The following ASIC2 variants were observed in gnomAD, a reference collection of about 807,000 sequenced individuals.
ASIC2 encodes acid-sensing ion channel 2.
In ASIC2, 25 loss-of-function variants were observed where a neutral mutation model predicts 57.3. That is an observed-to-expected ratio of 0.44 (90% CI 0.32 to 0.61). The LOEUF is 0.61. Among genes scored for constraint, ASIC2 ranks in the 20% least tolerant of loss-of-function variants. The pLI is 0.06. For missense variants in ASIC2, 641 were observed against 738.1 expected (o/e 0.87, Z 1.52); for synonymous variants, 319 against 307.5 (o/e 1.04, Z -0.39).
chr17:33,844,837 T>C (rs918609996), intron 1 of ASIC2, among the ~76,000 whole-genome samples: 3 of 152,220 alleles, frequency 2.0e-5, no homozygotes, highest in East Asian at 3.8e-4. Context: ...GATAGTCTCA[T>C]AATATATTTA....
chr17:34,133,295 G>GA (rs35056379), intron 1 of ASIC2, among the ~76,000 whole-genome samples: 70,859 of 151,220 alleles, frequency 0.47, 16,906 homozygotes, highest in Middle Eastern at 0.54. Context: ...TGGTGTAGGG[G>GA]AAGGGGTAGT....
intron 1 of ASIC2, among the ~76,000 whole-genome samples, chr17:33,454,260 T>A (rs977563735): frequency 6.6e-6 from 1 of 152,218 alleles, no homozygotes; most frequent in Non-Finnish European, 1.5e-5. Flanking sequence ...CCTTGTTCAC[T>A]GTCCACTATG....
At chr17:33,109,926 A>G (rs1200489153) in intron 2 of ASIC2, among the ~76,000 whole-genome samples, 1 of 152,180 alleles carries the variant, frequency 6.6e-6, no homozygotes, top group Admixed American at 6.5e-5. Flanking sequence ...GGCAGAACAC[A>G]GACTTTTTGG....
At position 34,114,483 on chromosome 17, in the gene ASIC2, A is replaced by C. The variant is rs74369731; in HGVS notation, c.555+41495T>G. Among the ~76,000 whole-genome samples, 1,454 of 152,286 alleles carry C rather than the reference A, an allele frequency of 9.5e-3. 39 individuals are homozygous for C. Among genetic ancestry groups the C allele is most frequent in the East Asian group, 0.078 (404 of 5,174 alleles). ...TGAGATTTGGAGCAAGGACAAGGAA[A>C]AAATAATACCCAATTGAACCTGACT... On this transcript the variant is annotated intron_variant, in intron 1 of 9. Coordinates refer to the ASIC2 transcript ENST00000359872.
chr17:33,244,954 C>T (rs1389305331), intron 1 of ASIC2, among the ~76,000 whole-genome samples: 1 of 152,222 alleles, frequency 6.6e-6, no homozygotes, highest in African/African-American at 2.4e-5. Context: ...AGACCCTCCT[C>T]TCAGCACTCT....
intron 1 of ASIC2, among the ~76,000 whole-genome samples, chr17:34,099,215 A>G (rs1050496774): frequency 6.8e-5 from 9 of 132,454 alleles, no homozygotes; most frequent in Non-Finnish European, 1.3e-4. Context: ...AAAGAAAGGA[A>G]AGAAAAGAAA....
chr17:34,106,038 T>A (rs2142105232), intron 1 of ASIC2, among the ~76,000 whole-genome samples: 2 of 152,238 alleles, frequency 1.3e-5, no homozygotes, highest in East Asian at 3.9e-4. Context: ...TTCTTTAGCC[T>A]TAAATAGTCT....
intron 1 of ASIC2, among the ~76,000 whole-genome samples, chr17:33,337,549 C>T (rs1390363837): frequency 6.6e-6 from 1 of 152,184 alleles, no homozygotes; most frequent in Non-Finnish European, 1.5e-5. Flanking sequence ...GATAGTAATG[C>T]TTTTAGCATT....
At chr17:33,481,778 T>G (rs928668109) in intron 1 of ASIC2, among the ~76,000 whole-genome samples, 7 of 152,298 alleles carry the variant, frequency 4.6e-5, no homozygotes, top group African/African-American at 1.7e-4. Flanking sequence ...GTTCTGTGCC[T>G]TATCTCCCCT....
chr17:33,286,119 T>A (rs1402636424), intron 1 of ASIC2, among the ~76,000 whole-genome samples: 1 of 152,226 alleles, frequency 6.6e-6, no homozygotes, highest in African/African-American at 2.4e-5. Flanking sequence ...TTCAACAGAG[T>A]TAGCTGATTT....
At chr17:33,425,655 G>C (rs1911193030) in intron 1 of ASIC2, among the ~76,000 whole-genome samples, 1 of 152,098 alleles carries the variant, frequency 6.6e-6, no homozygotes, top group African/African-American at 2.4e-5. Context: ...GGTCAGGGAA[G>C]GTTGAGAAAA....
intron 1 of ASIC2, among the ~76,000 whole-genome samples, chr17:33,578,616 T>C (rs916049641): frequency 3.9e-5 from 6 of 152,156 alleles, no homozygotes; most frequent in Non-Finnish European, 8.8e-5. Flanking sequence ...TCTTTATACG[T>C]TTGGGGTTCA....
intron 1 of ASIC2, among the ~76,000 whole-genome samples, chr17:33,319,252 T>G (rs1906774857): frequency 6.6e-6 from 1 of 152,128 alleles, no homozygotes; most frequent in African/African-American, 2.4e-5. Context: ...CCCCAAAAAC[T>G]AGACTTTCAT....
At chr17:33,263,430 T>G (rs1401111394) in intron 1 of ASIC2, among the ~76,000 whole-genome samples, 2 of 152,232 alleles carry the variant, frequency 1.3e-5, no homozygotes, top group African/African-American at 4.8e-5. Context: ...TGGGCATAAA[T>G]TCTCAATGTG....
chr17:33,452,738 G>GGTGTGTGTGTGTGTGTGTGTGT lies in ASIC2; in HGVS notation c.556-340693_556-340672dup, dbSNP rs35126239. 3.5e-4 allele frequency among the ~76,000 whole-genome samples: 49 copies of GGTGTGTGTGTGTGTGTGTGTGT among 140,508 alleles called. 1 individual carries two copies. The highest frequency in any genetic ancestry group is 1.1e-3 in the African/African-American group (41 of 36,888). 92.2% of individuals were successfully genotyped at this position (140,508 alleles called of 152,430 possible). Reference sequence around the variant, plus strand: ...GTTTTCTTTGTTTGGAACAGAGTGGGGTGTGTGTGTGTGTGTGTGTGTGTG... The same window carrying GGTGTGTGTGTGTGTGTGTGTGT: ...GTTTTCTTTGTTTGGAACAGAGTGGGGTGTGTGTGTGTGTGTGTGTGTGTGTGTGTGTGTGTGTGTGTGTGTG... On this transcript the variant is annotated intron_variant, in intron 1 of 9. Coordinates refer to the ASIC2 transcript ENST00000359872.
chr17:33,802,804 C>T (rs1379097767), intron 1 of ASIC2, among the ~76,000 whole-genome samples: 1 of 152,244 alleles, frequency 6.6e-6, no homozygotes, highest in Non-Finnish European at 1.5e-5. Context: ...CTTCTCTGCT[C>T]ATTGCTCCTG....
At chr17:33,396,875 C>T (rs971797664) in intron 1 of ASIC2, among the ~76,000 whole-genome samples, 1 of 152,170 alleles carries the variant, frequency 6.6e-6, no homozygotes, top group African/African-American at 2.4e-5. Context: ...CATTTCCTGG[C>T]TGATTTGCGG....
chr17:33,279,929 A>G (rs1197887486), intron 1 of ASIC2, among the ~76,000 whole-genome samples: 1 of 152,172 alleles, frequency 6.6e-6, no homozygotes, highest in Non-Finnish European at 1.5e-5. Flanking sequence ...AGAGCCATGT[A>G]TATAGTAGCC....
intron 1 of ASIC2, among the ~76,000 whole-genome samples, chr17:33,415,594 A>G (rs1771074676): frequency 6.6e-6 from 1 of 152,108 alleles, no homozygotes; most frequent in South Asian, 2.1e-4. Context: ...CACTGACTTC[A>G]AGCCTGCAGC....
Sources: allele counts gnomAD v4.1 joint callset (sites outside exome capture counted in the v4.1 genomes callset), GRCh38; gene constraint gnomAD v4.1.1; transcripts MANE v1.5; gene names NCBI Gene and HGNC (gene_info 2026-07-23, HGNC 2026-07-21).